Variants in RSPO3 observed in about 807,000 individuals in gnomAD.
RSPO3 encodes R-spondin-3.
Under a neutral mutation model 36.5 loss-of-function variants are expected in RSPO3, and 17 were observed. That is an observed-to-expected ratio of 0.47 (90% CI 0.32 to 0.70). The LOEUF (loss-of-function observed/expected upper bound fraction) is 0.70, where lower values mean the gene tolerates loss of function less well. Among genes scored for constraint, RSPO3 ranks in the 30% least tolerant of loss-of-function variants. RSPO3 has a pLI of 0.04. For missense variants in RSPO3, 294 were observed against 322.5 expected, an observed-to-expected ratio of 0.91 and a Z score of 0.68; for synonymous variants, 108 against 107.0, an observed-to-expected ratio of 1.01 and a Z score of -0.06.
intron 4 of RSPO3, among the ~76,000 whole-genome samples, chr6:127,176,709 A>G (rs1775062830): frequency 6.6e-6 from 1 of 151,792 alleles, no homozygotes; most frequent in Admixed American, 6.6e-5. Flanking sequence ...CTCAAGATAC[A>G]CTTTAAGGAA....
At chr6:127,138,021 G>A (rs565406877) in intron 1 of RSPO3, among the ~76,000 whole-genome samples, 1 of 152,258 alleles carries the variant, frequency 6.6e-6, no homozygotes, top group African/African-American at 2.4e-5. Flanking sequence ...TACTGAAAGT[G>A]TGGTATTTAT....
At chr6:127,160,815 A>T (rs1774696063) in intron 4 of RSPO3, among the ~76,000 whole-genome samples, 1 of 152,140 alleles carries the variant, frequency 6.6e-6, no homozygotes, top group Admixed American at 6.5e-5. Context: ...CTGCCTCCAG[A>T]GTCAAGTCTC....
chr6:127,144,708 C>T (rs1397582914), intron 1 of RSPO3, among the ~76,000 whole-genome samples: 2 of 132,286 alleles, frequency 1.5e-5, no homozygotes, highest in East Asian at 2.6e-4. Flanking sequence ...GTGCAATCTG[C>T]GCTCACTTTA....
chr6:127,157,917 G>A (rs901576448), intron 4 of RSPO3, among the ~76,000 whole-genome samples: 5 of 151,654 alleles, frequency 3.3e-5, no homozygotes, highest in African/African-American at 1.2e-4. Flanking sequence ...AAATAGAAAA[G>A]TAATAGTGAC....
chr6:127,149,109 C>T (rs770456660), intron 2 of RSPO3, among the ~76,000 whole-genome samples: 2 of 152,066 alleles, frequency 1.3e-5, no homozygotes, highest in South Asian at 4.1e-4. Context: ...TAGAAAAGTA[C>T]TGCAAGCCTC....
At chr6:127,166,208 G>A (rs934721430) in intron 4 of RSPO3, among the ~76,000 whole-genome samples, 5 of 151,940 alleles carry the variant, frequency 3.3e-5, no homozygotes, top group Non-Finnish European at 5.9e-5. Context: ...TATCATGGAC[G>A]TCTTTCTAAT....
chr6:127,177,177 A>G (rs1291867124), intron 4 of RSPO3, among the ~76,000 whole-genome samples: 1 of 151,894 alleles, frequency 6.6e-6, no homozygotes, highest in African/African-American at 2.4e-5. Context: ...TCAAAGAATA[A>G]CAAATAACCA....
At chr6:127,157,696 T>C (rs901612078) in intron 4 of RSPO3, among the ~76,000 whole-genome samples, 2 of 152,056 alleles carry the variant, frequency 1.3e-5, no homozygotes, top group African/African-American at 4.8e-5. Flanking sequence ...GTGGCAAATA[T>C]GAATCACATT....
intron 3 of RSPO3, among the ~76,000 whole-genome samples, chr6:127,152,389 T>C (rs948473636): frequency 6.6e-6 from 1 of 152,100 alleles, no homozygotes; most frequent in African/African-American, 2.4e-5. Flanking sequence ...GCCATGCCTT[T>C]AGGCCAGTCC....
chr6:127,139,867 A>G (rs1440718632), intron 1 of RSPO3, among the ~76,000 whole-genome samples: 1 of 152,010 alleles, frequency 6.6e-6, no homozygotes, highest in Non-Finnish European at 1.5e-5. Context: ...GGGGATGTTG[A>G]TTCAGTACCT....
chr6:127,174,504 G>A (rs903767109), intron 4 of RSPO3, among the ~76,000 whole-genome samples: 1 of 151,736 alleles, frequency 6.6e-6, no homozygotes, highest in Non-Finnish European at 1.5e-5. Flanking sequence ...TTAAAATCAG[G>A]GTAATAGATA....
chr6:127,167,286 G>T (rs974678411), intron 4 of RSPO3, among the ~76,000 whole-genome samples: 1 of 151,622 alleles, frequency 6.6e-6, no homozygotes, highest in African/African-American at 2.4e-5. Context: ...CCTTCCCCTG[G>T]CCCCAACAGG....
chr6:127,178,043 G>A (rs541397059), intron 4 of RSPO3, among the ~76,000 whole-genome samples: 16 of 151,680 alleles, frequency 1.1e-4, no homozygotes, highest in East Asian at 5.9e-4. Flanking sequence ...ATATTAATAG[G>A]TACATTTAGA....
chr6:127,159,837 C>T (rs1774674037), intron 4 of RSPO3, among the ~76,000 whole-genome samples: 1 of 151,526 alleles, frequency 6.6e-6, no homozygotes, highest in African/African-American at 2.4e-5. Flanking sequence ...TTAGTAGACA[C>T]GGGGTTTCAC....
At chr6:127,160,217 T>A (rs1025299339) in intron 4 of RSPO3, among the ~76,000 whole-genome samples, 1 of 152,218 alleles carries the variant, frequency 6.6e-6, no homozygotes, top group Non-Finnish European at 1.5e-5. Context: ...CTGATCAAGT[T>A]TTAGAACCAG....
Position 127,155,363 on chromosome 6 carries a change from G to C in RSPO3, c.559G>C (p.Gly187Arg). 6.2e-7 allele frequency: 1 copy of C among 1,613,748 alleles called. No homozygotes were observed. Among genetic ancestry groups the C allele is most frequent in the Non-Finnish European group, 8.5e-7 (1 of 1,179,870 alleles). The stretch of plus-strand genomic sequence containing the variant: ...AATAATACAGCATCCTTCAGCAAAG[G>C]GTAACCTGTGTCCCCCAACAAATGA... ...REIIQHPSAK[G>R]NLCPPTNETR... Residue 187 changes from glycine to arginine, a missense_variant, in exon 4 of 5, where the codon GGT becomes CGT. Gly to Arg is a moderately radical substitution (Grantham distance 125). Coordinates refer to ENST00000356698, the MANE Select transcript of RSPO3 (RefSeq NM_032784.5).
intron 1 of RSPO3, among the ~76,000 whole-genome samples, chr6:127,124,957 A>G (rs2114537162): frequency 6.6e-6 from 1 of 152,256 alleles, no homozygotes; most frequent in East Asian, 1.9e-4. Flanking sequence ...TTTCAATAAC[A>G]TGGATCTTTT....
chr6:127,177,065 T>G (rs1048125129), intron 4 of RSPO3, among the ~76,000 whole-genome samples: 1 of 151,858 alleles, frequency 6.6e-6, no homozygotes, highest in Non-Finnish European at 1.5e-5. Flanking sequence ...CTTTGGAGTT[T>G]ATGATGTGAA....
chr6:127,167,931 G>A (rs1462020576), intron 4 of RSPO3, among the ~76,000 whole-genome samples: 2 of 151,874 alleles, frequency 1.3e-5, no homozygotes, highest in Non-Finnish European at 2.9e-5. Context: ...CCCTACAAAG[G>A]ACATGAACTC....
Sources: allele counts gnomAD v4.1 joint callset (sites outside exome capture counted in the v4.1 genomes callset), GRCh38; gene constraint gnomAD v4.1.1; transcripts MANE v1.5; gene names NCBI Gene and HGNC (gene_info 2026-07-23, HGNC 2026-07-21).